SHISA9: variants seen among roughly 807,000 people sequenced by gnomAD.
SHISA9 encodes shisa family member 9.
In SHISA9, 13 loss-of-function variants were observed where a neutral mutation model predicts 38.0. The ratio of observed to expected loss-of-function variants is 0.34; its 90% CI spans 0.22 to 0.54. The LOEUF (loss-of-function observed/expected upper bound fraction) is 0.54, where lower values mean the gene tolerates loss of function less well. SHISA9 is among the 20% of genes least tolerant of loss of function. The pLI is 0.91. For missense variants in SHISA9, 538 were observed against 575.8 expected (o/e 0.93, Z 0.67); for synonymous variants, 275 against 242.0 (o/e 1.14, Z -1.27).
chr16:12,902,648 C>T (rs2141700873), intron 1 of SHISA9, 21 bp downstream of exon 1: 1 of 1,524,812 alleles, frequency 6.6e-7, no homozygotes, highest in Non-Finnish European at 8.8e-7. Context: ...TCCCCTTCGC[C>T]CTCCCCTCGG....
chr16:13,075,466 C>T (rs1018810888), intron 2 of SHISA9, among the ~76,000 whole-genome samples: 1 of 152,058 alleles, frequency 6.6e-6, no homozygotes, highest in African/African-American at 2.4e-5. Flanking sequence ...TGTCCTGGTG[C>T]ACCTCCTGCC....
chr16:13,203,362 G>A (rs941193901), intron 2 of SHISA9, 32 bp from the exon 3 acceptor site: 1 of 1,496,752 alleles, frequency 6.7e-7, no homozygotes, highest in Non-Finnish European at 8.9e-7. Flanking sequence ...TGCCCTGTCT[G>A]TGACAATCTC....
intron 2 of SHISA9, among the ~76,000 whole-genome samples, chr16:12,996,423 A>G (rs2072458182): frequency 6.6e-6 from 1 of 152,060 alleles, no homozygotes; most frequent in Non-Finnish European, 1.5e-5. Flanking sequence ...GGCCCCCAGA[A>G]CACCCTCCTG....
chr16:13,375,169 A>T, the SHISA9 span, among the ~76,000 whole-genome samples: 3 of 152,202 alleles, frequency 2.0e-5, no homozygotes, highest in South Asian at 6.2e-4. Flanking sequence ...GAAGCTCTTT[A>T]GTTTAATTAG....
At chr16:13,121,361 G>C (rs1206458003) in intron 2 of SHISA9, among the ~76,000 whole-genome samples, 1 of 151,958 alleles carries the variant, frequency 6.6e-6, no homozygotes, top group East Asian at 1.9e-4. Context: ...TGGTGGTGAT[G>C]TGTACCTGTG....
chr16:13,445,277 C>G, the SHISA9 span, among the ~76,000 whole-genome samples: 1 of 152,058 alleles, frequency 6.6e-6, no homozygotes, highest in Non-Finnish European at 1.5e-5. Flanking sequence ...TTCTTTGCAT[C>G]TCCAGCACCT....
At chr16:13,046,240 G>A (rs2073187441) in intron 2 of SHISA9, among the ~76,000 whole-genome samples, 1 of 152,186 alleles carries the variant, frequency 6.6e-6, no homozygotes, top group Non-Finnish European at 1.5e-5. Flanking sequence ...AGCCAGAAGG[G>A]ACCTTATTGA....
At chr16:13,036,798 A>AC (rs1371916896) in intron 2 of SHISA9, among the ~76,000 whole-genome samples, 3 of 151,562 alleles carry the variant, frequency 2.0e-5, no homozygotes, top group Non-Finnish European at 2.9e-5. Context: ...CACGGACAGC[A>AC]CCCCCAGTAC....
chr16:12,958,427 TC>T (rs2071864843), intron 2 of SHISA9, among the ~76,000 whole-genome samples: 1 of 152,162 alleles, frequency 6.6e-6, no homozygotes, highest in Admixed American at 6.5e-5. Context: ...TGTGGAAATT[TC>T]CCCCTGAAGC....
the SHISA9 span, among the ~76,000 whole-genome samples, chr16:13,355,023 C>T: frequency 6.8e-6 from 1 of 148,138 alleles, no homozygotes; most frequent in Non-Finnish European, 1.5e-5. Flanking sequence ...ATTAAGGGTG[C>T]AAAGGAATAG....
chr16:13,147,258 TTCTA>T (rs1337771599), intron 2 of SHISA9, among the ~76,000 whole-genome samples: 2 of 152,164 alleles, frequency 1.3e-5, no homozygotes, highest in East Asian at 1.9e-4. Context: ...GGAGACTGAA[TTCTA>T]TCTAAGGGCT....
intron 2 of SHISA9, among the ~76,000 whole-genome samples, chr16:13,036,745 G>C (rs1181426632): frequency 1.1e-5 from 1 of 92,610 alleles, no homozygotes; most frequent in Non-Finnish European, 2.8e-5. Context: ...AAGTTCAGAG[G>C]AGGAAAAAAA....
intron 2 of SHISA9, among the ~76,000 whole-genome samples, chr16:13,060,804 G>C (rs183929): frequency 6.6e-6 from 1 of 152,222 alleles, no homozygotes; most frequent in South Asian, 2.1e-4. Flanking sequence ...GGGTAGGGCA[G>C]AGCCAAGGGC....
chr16:12,999,606 C>A (rs909246093), intron 2 of SHISA9, among the ~76,000 whole-genome samples: 1 of 152,144 alleles, frequency 6.6e-6, no homozygotes, highest in Non-Finnish European at 1.5e-5. Context: ...TAATGTGAAG[C>A]CCTGAATTAC....
At chr16:12,958,838 G>A (rs924528669) in intron 2 of SHISA9, among the ~76,000 whole-genome samples, 2 of 152,140 alleles carry the variant, frequency 1.3e-5, no homozygotes, top group Non-Finnish European at 2.9e-5. Flanking sequence ...CAATAATGCT[G>A]CATAACAAAT....
the SHISA9 span, among the ~76,000 whole-genome samples, chr16:13,375,869 A>C: frequency 0.018 from 2,716 of 152,242 alleles, 70 homozygotes; most frequent in African/African-American, 0.059. Context: ...ATTCAACCCA[A>C]CACCTATCAA....
intron 2 of SHISA9, among the ~76,000 whole-genome samples, chr16:13,039,057 C>T (rs932792164): frequency 3.3e-5 from 5 of 152,084 alleles, no homozygotes; most frequent in Admixed American, 6.5e-5. Flanking sequence ...TACAGGTGTG[C>T]ACCACCATCC....
chr16:13,269,933 C>T, the SHISA9 span, among the ~76,000 whole-genome samples: 1 of 152,124 alleles, frequency 6.6e-6, no homozygotes, highest in East Asian at 1.9e-4. Context: ...TTTAAAGTTC[C>T]CCACTAGCGA....
In SHISA9 at chr16:13,001,620, A is replaced by G. The variant is rs559580764; in HGVS notation, c.691+84805A>G. ...CCTTCTGGGCTGATGCAAATGTTCT[A>G]TATCTTGATATGCAATGTTATACTC... On this transcript the variant is annotated intron_variant, in intron 2 of 4. Coordinates refer to ENST00000558583, the MANE Select transcript of SHISA9 (RefSeq NM_001145204.3). 4.6e-5 allele frequency among the ~76,000 whole-genome samples: 7 copies of G among 152,360 alleles called. No homozygotes were observed. In the East Asian group the frequency reaches 1.2e-3, roughly 25 times the overall value.
Sources: allele counts gnomAD v4.1 joint callset (sites outside exome capture counted in the v4.1 genomes callset), GRCh38; gene constraint gnomAD v4.1.1; transcripts MANE v1.5; gene names NCBI Gene and HGNC (gene_info 2026-07-23, HGNC 2026-07-21).